The following FBXL2 variants were observed in gnomAD, a reference collection of about 807,000 sequenced individuals.
The protein encoded by FBXL2 is F-box/LRR-repeat protein 2.
FBXL2 carries 38 observed loss-of-function variants against 69.2 expected under a neutral mutation model. The observed-to-expected ratio is 0.55, with a 90% CI of 0.42 to 0.72. The LOEUF is 0.72. Among genes scored for constraint, FBXL2 ranks in the 30% least tolerant of loss-of-function variants. The pLI is 0.00. For synonymous variants in FBXL2, 192 were observed against 201.3 expected (o/e 0.95, Z 0.39); for missense variants, 354 against 520.3 (o/e 0.68, Z 3.11).
intron 2 of FBXL2, among the ~76,000 whole-genome samples, chr3:33,309,682 ATTC>A (rs2037020263): frequency 1.3e-5 from 2 of 152,110 alleles, no homozygotes; most frequent in African/African-American, 4.8e-5. Context: ...TAGATCCTTC[ATTC>A]TTCTTTTTCA....
chr3:33,321,736 C>T (rs143113389), intron 2 of FBXL2, among the ~76,000 whole-genome samples: 1 of 152,318 alleles, frequency 6.6e-6, no homozygotes, highest in African/African-American at 2.4e-5. Context: ...TCCTAGGCTA[C>T]ACACCTGTAT....
At chr3:33,283,965 G>C (rs533721918) in intron 1 of FBXL2, among the ~76,000 whole-genome samples, 3 of 152,256 alleles carry the variant, frequency 2.0e-5, no homozygotes, top group South Asian at 2.1e-4. Flanking sequence ...CTTGCTAGCA[G>C]TCTATCAATT....
chr3:33,303,083 G>A, intron 2 of FBXL2: 1 of 456,610 alleles, frequency 2.2e-6, no homozygotes, highest in Non-Finnish European at 4.4e-6. Context: ...GCACTCCATG[G>A]GCTTTTTAAA....
intron 11 of FBXL2, 122 bp from the exon 12 acceptor site, chr3:33,377,981 G>T: frequency 1.1e-6 from 1 of 910,116 alleles, no homozygotes. Context: ...TTAGGAAGAG[G>T]GCATACTTCT....
chr3:33,398,342 A>G (rs934384822), intron 12 of FBXL2: 2 of 152,254 alleles, frequency 1.3e-5, no homozygotes, highest in African/African-American at 2.4e-5. Context: ...CCCATGAGAC[A>G]TGAGCATTAA....
At chr3:33,314,502 A>G (rs2037498669) in intron 2 of FBXL2, among the ~76,000 whole-genome samples, 1 of 152,172 alleles carries the variant, frequency 6.6e-6, no homozygotes, top group Non-Finnish European at 1.5e-5. Context: ...AGGCTCTATT[A>G]TGGCTAGAGA....
At chr3:33,347,311 G>A (rs1262500467) in intron 2 of FBXL2, among the ~76,000 whole-genome samples, 1 of 152,164 alleles carries the variant, frequency 6.6e-6, no homozygotes, top group Non-Finnish European at 1.5e-5. Flanking sequence ...CTCATTCTTT[G>A]TATGGCTGAA....
intron 2 of FBXL2, among the ~76,000 whole-genome samples, chr3:33,325,969 G>T (rs148021739): frequency 6.6e-6 from 1 of 152,110 alleles, no homozygotes; most frequent in African/African-American, 2.4e-5. Context: ...GTGAGATTGT[G>T]CATACATATC....
chr3:33,361,757 A>T (rs1429489140), intron 4 of FBXL2, among the ~76,000 whole-genome samples: 2 of 152,184 alleles, frequency 1.3e-5, no homozygotes, highest in African/African-American at 4.8e-5. Flanking sequence ...TCTAGTCATA[A>T]CACTTAGCTT....
At chr3:33,409,396 T>A in the FBXL2 span, 1 of 1,613,820 alleles carries the variant, frequency 6.2e-7, no homozygotes, top group East Asian at 2.2e-5. Context: ...GACACACAGC[T>A]TTACAGGCAA....
chr3:33,413,427 G>A, the FBXL2 span, among the ~76,000 whole-genome samples: 1 of 151,284 alleles, frequency 6.6e-6, no homozygotes, highest in Non-Finnish European at 1.5e-5. Context: ...GGCGCCTGTA[G>A]TACCAGCTAC....
At chr3:33,355,240 C>G (rs768649216) in intron 2 of FBXL2, among the ~76,000 whole-genome samples, 1 of 151,994 alleles carries the variant, frequency 6.6e-6, no homozygotes, top group Non-Finnish European at 1.5e-5. Context: ...AAAAAATATT[C>G]CATTTTAATA....
At chr3:33,350,178 A>G (rs972031250) in intron 2 of FBXL2, among the ~76,000 whole-genome samples, 8 of 152,232 alleles carry the variant, frequency 5.3e-5, no homozygotes, top group African/African-American at 1.4e-4. Flanking sequence ...AGTGATGTAT[A>G]AAATAATTAT....
chr3:33,281,783 C>G (rs1457586529), intron 1 of FBXL2, among the ~76,000 whole-genome samples: 2 of 152,042 alleles, frequency 1.3e-5, no homozygotes, highest in Admixed American at 6.6e-5. Context: ...ATTTGCATTT[C>G]TCTGATGGCC....
At chr3:33,319,333 T>G (rs1197811590) in intron 2 of FBXL2, among the ~76,000 whole-genome samples, 1 of 152,150 alleles carries the variant, frequency 6.6e-6, no homozygotes, top group South Asian at 2.1e-4. Flanking sequence ...ACCATTTGAA[T>G]GTATTGCCTA....
At chr3:33,381,643 A>AT (rs1176098449) in intron 13 of FBXL2, among the ~76,000 whole-genome samples, 24 of 139,238 alleles carry the variant, frequency 1.7e-4, no homozygotes, top group East Asian at 1.0e-3. Flanking sequence ...ATAAATAAAA[A>AT]TTTAAAAAAA....
chr3:33,392,494 G>T, downstream of FBXL2: 1 of 1,293,374 alleles, frequency 7.7e-7, no homozygotes, highest in Non-Finnish European at 1.1e-6. Flanking sequence ...AACACGAGAG[G>T]CACTAATTAG....
intron 12 of FBXL2, chr3:33,400,938 T>C (rs1384023305): frequency 6.3e-7 from 1 of 1,589,312 alleles, no homozygotes; most frequent in Non-Finnish European, 8.5e-7. Context: ...AAGCATCAGA[T>C]AGTTTTAGGA....
intron 1 of FBXL2, 41 bp downstream of exon 1, chr3:33,277,556 C>G: frequency 7.9e-7 from 1 of 1,267,446 alleles, no homozygotes; most frequent in African/African-American, 1.5e-5. Flanking sequence ...CCCCGCCCTA[C>G]CCCTACCGGG....
Sources: allele counts gnomAD v4.1 joint callset (sites outside exome capture counted in the v4.1 genomes callset), GRCh38; gene constraint gnomAD v4.1.1; transcripts MANE v1.5; gene names NCBI Gene and HGNC (gene_info 2026-07-23, HGNC 2026-07-21).